The following DENND5A variants were observed in gnomAD, a reference collection of about 807,000 sequenced individuals.
DENND5A encodes DENN domain containing 5A.
Under a neutral mutation model 140.3 loss-of-function variants are expected in DENND5A, and 64 were observed. That is an observed-to-expected ratio of 0.46 (90% confidence interval 0.37 to 0.56). The LOEUF (loss-of-function observed/expected upper bound fraction) is 0.56, where lower values mean the gene tolerates loss of function less well. Among genes scored for constraint, DENND5A ranks in the 20% least tolerant of loss-of-function variants. DENND5A has a pLI of 0.00. For missense variants in DENND5A, 1,292 were observed against 1,593.8 expected (o/e 0.81, Z 3.22); for synonymous variants, 605 against 607.7 (o/e 1.00, Z 0.07).
chr11:9,244,415 G>C (rs540351666), intron 1 of DENND5A, among the ~76,000 whole-genome samples: 72 of 152,116 alleles, frequency 4.7e-4, no homozygotes, highest in Middle Eastern at 6.8e-3. Context: ...TGTTGCCCAA[G>C]CTGGAGTGCA....
rs74508602 is a variant in DENND5A at position 9,229,667 on chromosome 11, G to A, written c.110-22035C>T. ...TTCCTTGAAGACCCTCAGCTCCAGC[G>A]GGGTCCTGCCCTATACCCAGGAAGA... On this transcript the variant is annotated intron_variant, in intron 1 of 22. Transcript: ENST00000328194. 5.6e-3 allele frequency among the ~76,000 whole-genome samples: 850 copies of A among 152,040 alleles called. 7 individuals carry two copies. The highest frequency in any genetic ancestry group is 0.019 in the African/African-American group (783 of 41,460).
intron 1 of DENND5A, among the ~76,000 whole-genome samples, chr11:9,231,715 CAAAAA>C (rs71062818): frequency 3.8e-5 from 3 of 78,962 alleles, no homozygotes; most frequent in Admixed American, 3.5e-4. Context: ...AACTCCGTCT[CAAAAA>C]AAAAAAAAAA....
At chr11:9,176,962 T>C (rs1475200477) in intron 8 of DENND5A, 2 of 455,702 alleles carry the variant, frequency 4.4e-6, no homozygotes, top group African/African-American at 4.0e-5. Context: ...CTGATAAAAG[T>C]GGGAAAAATA....
At chr11:9,183,373 T>C (rs1457173379) in intron 5 of DENND5A, among the ~76,000 whole-genome samples, 1 of 152,198 alleles carries the variant, frequency 6.6e-6, no homozygotes, top group Admixed American at 6.5e-5. Flanking sequence ...TAATCAACAT[T>C]TATTATATAT....
rs909074222 is a variant in DENND5A, at chr11:9,257,449, A to G, written c.109+7512T>C. 5.3e-5 allele frequency among the ~76,000 whole-genome samples: 8 copies of G among 150,614 alleles called. No homozygotes were observed. The East Asian group carries it at 1.4e-3, about 26-fold the overall frequency. On this transcript the variant is annotated intron_variant, in intron 1 of 22. Coordinates refer to ENST00000328194, the MANE Select transcript of DENND5A (RefSeq NM_015213.4). Reference sequence around the variant, plus strand: ...CTGTCTCTTAAAAAAAAAAAAAAAAAAGATATCCTTAATGATAATCACACA... The same window carrying G: ...CTGTCTCTTAAAAAAAAAAAAAAAAGAGATATCCTTAATGATAATCACACA...
chr11:9,151,551 T>C (rs897690888), intron 13 of DENND5A, among the ~76,000 whole-genome samples: 1 of 152,230 alleles, frequency 6.6e-6, no homozygotes, highest in Non-Finnish European at 1.5e-5. Flanking sequence ...AACGAGTTCA[T>C]GCCCATCTTT....
intron 22 of DENND5A, 92 bp from the exon 23 acceptor site, chr11:9,139,946 T>A: frequency 7.6e-7 from 1 of 1,319,510 alleles, no homozygotes; most frequent in Non-Finnish European, 1.0e-6. Context: ...AACCATGAAC[T>A]AAGTCTGAAG....
chr11:9,264,933 A>C, intron 1 of DENND5A, 28 bp downstream of exon 1: 1 of 1,513,118 alleles, frequency 6.6e-7, no homozygotes, highest in Non-Finnish European at 8.9e-7. Flanking sequence ...GGGCGCGGGA[A>C]AGCGCCCCGG....
intron 17 of DENND5A, 158 bp downstream of exon 17, chr11:9,145,512 G>A: frequency 3.5e-6 from 3 of 845,170 alleles, no homozygotes; most frequent in Non-Finnish European, 5.7e-6. Context: ...CTCAGGGTCA[G>A]TCTTTGGATC....
At chr11:9,164,056 GTTTTTTTTTTTTTTTTT>G (rs768604681) in intron 11 of DENND5A, among the ~76,000 whole-genome samples, 4 of 57,958 alleles carry the variant, frequency 6.9e-5, no homozygotes, top group South Asian at 7.1e-4. Flanking sequence ...TATTAATCAG[GTTTTTTTTTTTTTTTTT>G]TTTTTTTTTT....
At chr11:9,198,301 C>T (rs1360217376) in intron 4 of DENND5A, among the ~76,000 whole-genome samples, 2 of 151,120 alleles carry the variant, frequency 1.3e-5, no homozygotes, top group East Asian at 3.9e-4. Context: ...TTCTTTATCA[C>T]TCCACTTTAA....
At chr11:9,192,091 C>T (rs910583866) in intron 5 of DENND5A, among the ~76,000 whole-genome samples, 1 of 151,912 alleles carries the variant, frequency 6.6e-6, no homozygotes, top group Non-Finnish European at 1.5e-5. Context: ...GAAAAAAGGG[C>T]AGAAATGGAA....
intron 1 of DENND5A, among the ~76,000 whole-genome samples, chr11:9,261,855 G>GA (rs1242733884): frequency 6.7e-6 from 1 of 150,252 alleles, no homozygotes; most frequent in East Asian, 1.9e-4. Context: ...AATGAAGAGG[G>GA]AAAAAAAATC....
chr11:9,170,551 A>G, intron 9 of DENND5A, 76 bp downstream of exon 9: 1 of 1,551,120 alleles, frequency 6.4e-7, no homozygotes. Flanking sequence ...TCTAGGGGTA[A>G]CAGCCCTAGC....
At chr11:9,179,864 A>C (rs1007749725) in intron 6 of DENND5A, among the ~76,000 whole-genome samples, 3 of 152,172 alleles carry the variant, frequency 2.0e-5, no homozygotes, top group Non-Finnish European at 4.4e-5. Context: ...TTTTTGAAAA[A>C]TATCTAGTCT....
chr11:9,179,128 A>G, intron 6 of DENND5A, 55 bp from the exon 7 acceptor site: 1 of 1,498,296 alleles, frequency 6.7e-7, no homozygotes, highest in Non-Finnish European at 9.2e-7. Flanking sequence ...TTTTAACCCA[A>G]GGAATGCAAT....
In DENND5A at chr11:9,170,753, G is replaced by T. The variant is rs781123425; in HGVS notation, c.1931C>A (p.Ala644Glu). The change falls in exon 9 of 23, where the codon GCA (alanine) becomes GAA (glutamate). Residue 644 changes from alanine to glutamate, a missense_variant. This residue lies in a region of DENND5A where 199 missense variants were observed against 189.1 expected (regional missense o/e 1.05). Transcript: ENST00000328194. ...EAEKAIELRL[A>E]KIDHTAIHPH... ...GTGAATTGCAGTATGGTCAATTTTT[G>T]CCAGACGCAGCTCAATTGCTTTCTC... The T allele has an allele frequency of 5.6e-6, 9 of 1,613,400 alleles. No homozygotes were observed. The South Asian group carries it at 9.9e-5, about 18-fold the overall frequency.
chr11:9,161,049 A>G (rs1244094122), intron 11 of DENND5A, among the ~76,000 whole-genome samples, 184 bp from the exon 12 acceptor site: 1 of 152,150 alleles, frequency 6.6e-6, no homozygotes, highest in Non-Finnish European at 1.5e-5. Flanking sequence ...GCATGCTTTA[A>G]AAATTTAGTT....
At chr11:9,152,297 C>A (rs779313303) in intron 13 of DENND5A, 61 bp downstream of exon 13, 4 of 1,251,876 alleles carry the variant, frequency 3.2e-6, no homozygotes, top group South Asian at 2.4e-5. Flanking sequence ...AAAGTGATCA[C>A]GCCAGTGGGT....
Sources: gnomAD v4.1 joint callset for allele counts (sites outside exome capture counted in the v4.1 genomes callset) on GRCh38, gnomAD v4.1.1 for gene constraint, gnomAD v4.1.1 regional missense constraint, MANE v1.5 for transcripts, NCBI Gene and HGNC (gene_info 2026-07-23, HGNC 2026-07-21) for gene names.